Variants in TBC1D15 observed in about 807,000 individuals in gnomAD.
TBC1D15 encodes GAP for RAB7.
A neutral mutation model predicts 95.4 loss-of-function variants in TBC1D15; 39 were observed. The ratio of observed to expected loss-of-function variants is 0.41; its 90% CI spans 0.32 to 0.53. The LOEUF is 0.53. Among genes scored for constraint, TBC1D15 ranks in the 20% least tolerant of loss-of-function variants. The pLI is 0.29. For missense variants in TBC1D15, 733 were observed against 794.3 expected, an observed-to-expected ratio of 0.92 and a Z score of 0.93; for synonymous variants, 258 against 261.3, an observed-to-expected ratio of 0.99 and a Z score of 0.12.
intron 5 of TBC1D15, among the ~76,000 whole-genome samples, chr12:71,892,052 T>G (rs538822001): frequency 6.6e-6 from 1 of 152,254 alleles, no homozygotes; most frequent in South Asian, 2.1e-4. Flanking sequence ...CATTTCAAAG[T>G]CCATCATTTA....
Position 71,923,338 on chromosome 12 carries a change from C to T in TBC1D15, c.*134C>T. ...TAAAGAAAGTGTACTGATGTTCTTA[C>T]ATTAAAGCTTTACAAAGATTTAAAC... On this transcript the variant is annotated 3_prime_UTR_variant, in exon 17 of 17. Transcript: ENST00000485960. 1 of 736,878 alleles carries T rather than the reference C, an allele frequency of 1.4e-6. No individual in the cohort carries two copies. Among genetic ancestry groups the T allele is most frequent in the Non-Finnish European group, 2.2e-6 (1 of 458,896 alleles). 45.6% of individuals were successfully genotyped at this position (736,878 alleles called of 1,614,324 possible). A position where few individuals can be genotyped will look rare whatever the true frequency, so the allele number is the denominator to read the frequency against.
At chr12:71,866,781 G>T (rs1862686268) in intron 1 of TBC1D15, among the ~76,000 whole-genome samples, 1 of 152,144 alleles carries the variant, frequency 6.6e-6, no homozygotes, top group South Asian at 2.1e-4. Flanking sequence ...TTAAAATGTA[G>T]TTGTTTGTTC....
intron 1 of TBC1D15, among the ~76,000 whole-genome samples, chr12:71,856,884 C>T (rs954393844): frequency 1.8e-4 from 27 of 152,072 alleles, no homozygotes; most frequent in African/African-American, 6.3e-4. Flanking sequence ...TGAGTCTCAG[C>T]CCCAGAGCAG....
At chr12:71,844,296 T>C (rs564071586) in intron 1 of TBC1D15, among the ~76,000 whole-genome samples, 1 of 152,326 alleles carries the variant, frequency 6.6e-6, no homozygotes, top group East Asian at 1.9e-4. Flanking sequence ...AACTCCTAAA[T>C]TCTTTAGCAT....
chr12:71,907,206 C>T, intron 11 of TBC1D15, 68 bp downstream of exon 11: 1 of 971,664 alleles, frequency 1.0e-6, no homozygotes, highest in Non-Finnish European at 1.5e-6. Context: ...CATTTTTAAT[C>T]CAGTTAGACA....
intron 5 of TBC1D15, among the ~76,000 whole-genome samples, chr12:71,891,962 A>G (rs1426343098): frequency 2.0e-5 from 3 of 152,144 alleles, no homozygotes; most frequent in African/African-American, 7.2e-5. Context: ...TGTTAGAAAC[A>G]AAATGATGGC....
At chr12:71,922,903 G>A (rs1293432554) in intron 16 of TBC1D15, 80 bp from the exon 17 acceptor site, 3 of 1,292,506 alleles carry the variant, frequency 2.3e-6, no homozygotes, top group Admixed American at 1.9e-5. Flanking sequence ...AATCAATGTA[G>A]TCTTAAACAG....
chr12:71,922,151 C>G (rs886888635), intron 16 of TBC1D15, among the ~76,000 whole-genome samples: 23 of 152,278 alleles, frequency 1.5e-4, no homozygotes, highest in African/African-American at 4.3e-4. Context: ...GTGGCGTGAC[C>G]TCGGCTCACT....
chr12:71,878,517 G>A (rs953478229), intron 3 of TBC1D15, among the ~76,000 whole-genome samples: 3 of 149,990 alleles, frequency 2.0e-5, no homozygotes, highest in Admixed American at 6.6e-5. Context: ...TGGTGGTGAG[G>A]GTTTTTGTTT....
chr12:71,880,708 G>C, intron 4 of TBC1D15, 101 bp downstream of exon 4: 2 of 1,294,526 alleles, frequency 1.5e-6, no homozygotes, highest in South Asian at 4.0e-5. Context: ...TGAGAAGGAT[G>C]ATTAATTTCT....
intron 10 of TBC1D15, among the ~76,000 whole-genome samples, chr12:71,900,491 C>T (rs1018234249): frequency 1.3e-5 from 2 of 152,080 alleles, no homozygotes; most frequent in Non-Finnish European, 2.9e-5. Context: ...AATTCGCAAC[C>T]TCTGGCATAA....
chr12:71,919,266 C>T (rs920083500), intron 14 of TBC1D15, among the ~76,000 whole-genome samples: 12 of 148,196 alleles, frequency 8.1e-5, no homozygotes, highest in African/African-American at 3.0e-4. Context: ...TCTCGAACTC[C>T]TGGACTCAAG....
At chr12:71,872,637 C>A (rs1381962467) in intron 2 of TBC1D15, among the ~76,000 whole-genome samples, 1 of 152,020 alleles carries the variant, frequency 6.6e-6, no homozygotes, top group East Asian at 1.9e-4. Flanking sequence ...CATCCTATTA[C>A]AAAAAAATCC....
chr12:71,871,815 A>T (rs543170964), intron 1 of TBC1D15, among the ~76,000 whole-genome samples: 1 of 152,250 alleles, frequency 6.6e-6, no homozygotes, highest in Non-Finnish European at 1.5e-5. Context: ...TCTTTGTTTA[A>T]GTAGAAGATC....
chr12:71,870,512 T>A (rs1404565423), intron 1 of TBC1D15, among the ~76,000 whole-genome samples: 1 of 152,192 alleles, frequency 6.6e-6, no homozygotes, highest in Non-Finnish European at 1.5e-5. Context: ...CTTAATTACT[T>A]AAAAGACTGT....
chr12:71,893,159 T>A, intron 5 of TBC1D15, 63 bp from the exon 6 acceptor site: 1 of 788,358 alleles, frequency 1.3e-6, no homozygotes, highest in Non-Finnish European at 1.8e-6. Flanking sequence ...GTGTTAGTAA[T>A]TGTTCATGTA....
intron 10 of TBC1D15, among the ~76,000 whole-genome samples, chr12:71,905,201 A>G (rs1169371641): frequency 6.6e-6 from 1 of 152,176 alleles, no homozygotes; most frequent in African/African-American, 2.4e-5. Context: ...ACTTTTTTTT[A>G]CTATGTTTAA....
intron 1 of TBC1D15, among the ~76,000 whole-genome samples, chr12:71,841,756 A>C (rs1293428466): frequency 6.6e-6 from 1 of 152,156 alleles, no homozygotes; most frequent in Non-Finnish European, 1.5e-5. Flanking sequence ...AATCTTCTCT[A>C]CACCACCACT....
intron 11 of TBC1D15, among the ~76,000 whole-genome samples, chr12:71,911,259 C>T (rs892420430): frequency 5.4e-4 from 82 of 152,226 alleles, no homozygotes; most frequent in African/African-American, 1.9e-3. Flanking sequence ...TTGACCCAGC[C>T]ATCCCATTAC....
Sources: allele counts gnomAD v4.1 joint callset (sites outside exome capture counted in the v4.1 genomes callset), GRCh38; gene constraint gnomAD v4.1.1; transcripts MANE v1.5; gene names NCBI Gene and HGNC (gene_info 2026-07-23, HGNC 2026-07-21).